PLD5: variants seen among roughly 807,000 people sequenced by gnomAD.
PLD5 encodes the protein phospholipase D family member 5.
A neutral mutation model predicts 61.1 loss-of-function variants in PLD5; 36 were observed. The observed-to-expected ratio is 0.59, with a 90% CI of 0.45 to 0.78. PLD5 has a LOEUF of 0.78. Ranked by LOEUF, PLD5 falls within the 30% of genes least tolerant of loss-of-function variation. PLD5 has a pLI of 0.00. For synonymous variants in PLD5, 243 were observed against 242.8 expected, an observed-to-expected ratio of 1.00 and a Z score of -0.01; for missense variants, 515 against 644.4, an observed-to-expected ratio of 0.80 and a Z score of 2.17.
At chr1:242,332,866 C>T (rs753459780) in intron 2 of PLD5, among the ~76,000 whole-genome samples, 1 of 152,154 alleles carries the variant, frequency 6.6e-6, no homozygotes, top group Non-Finnish European at 1.5e-5. Context: ...GACGTTCACT[C>T]GTAGATACCA....
At chr1:242,348,979 G>A (rs568705060) in intron 1 of PLD5, among the ~76,000 whole-genome samples, 2 of 152,290 alleles carry the variant, frequency 1.3e-5, no homozygotes, top group African/African-American at 2.4e-5. Context: ...GCTTGAACCT[G>A]GGAGGCGGAG....
intron 2 of PLD5, among the ~76,000 whole-genome samples, chr1:242,316,278 C>T (rs1847096): frequency 0.18 from 27,229 of 152,038 alleles, 2,788 homozygotes; most frequent in East Asian, 0.39. Context: ...AATTTTGAGA[C>T]GCCATTTTGT....
At chr1:242,435,404 G>A (rs1665944659) in intron 1 of PLD5, among the ~76,000 whole-genome samples, 1 of 149,516 alleles carries the variant, frequency 6.7e-6, no homozygotes, top group East Asian at 1.9e-4. Context: ...TAGCATCTGT[G>A]TGTTTTTTGT....
chr1:242,134,445 G>A (rs1189658810), intron 5 of PLD5, among the ~76,000 whole-genome samples: 2 of 151,792 alleles, frequency 1.3e-5, no homozygotes, highest in Admixed American at 1.3e-4. Context: ...ATAAATCTCA[G>A]GCTACTTTCC....
At chr1:242,204,309 C>T (rs1390974404) in intron 5 of PLD5, among the ~76,000 whole-genome samples, 1 of 152,116 alleles carries the variant, frequency 6.6e-6, no homozygotes, top group Non-Finnish European at 1.5e-5. Flanking sequence ...TAGTCAATTG[C>T]CTTCCAGGTA....
At chr1:242,374,196 ATATT>A (rs1190234537) in intron 1 of PLD5, among the ~76,000 whole-genome samples, 2 of 152,196 alleles carry the variant, frequency 1.3e-5, no homozygotes, top group Non-Finnish European at 2.9e-5. Flanking sequence ...GTACCACGAC[ATATT>A]TATTATGCCC....
intron 1 of PLD5, among the ~76,000 whole-genome samples, chr1:242,403,337 G>T (rs1179113980): frequency 6.6e-6 from 1 of 152,176 alleles, no homozygotes; most frequent in East Asian, 1.9e-4. Flanking sequence ...TTTCTCCCCA[G>T]AGAACCTTCC....
intron 5 of PLD5, among the ~76,000 whole-genome samples, chr1:242,174,173 A>C (rs1255785666): frequency 4.4e-3 from 591 of 134,470 alleles, no homozygotes; most frequent in South Asian, 8.6e-3. Flanking sequence ...AATATCCAGA[A>C]TCTACAAAGA....
intron 1 of PLD5, among the ~76,000 whole-genome samples, chr1:242,402,320 A>G (rs1438811385): frequency 6.6e-6 from 1 of 152,234 alleles, no homozygotes; most frequent in African/African-American, 2.4e-5. Flanking sequence ...TCTTTACCAC[A>G]TTGACCTTCA....
intron 3 of PLD5, among the ~76,000 whole-genome samples, chr1:242,276,743 A>C (rs1389642568): frequency 6.6e-6 from 1 of 151,884 alleles, no homozygotes; most frequent in African/African-American, 2.4e-5. Flanking sequence ...TTTTTTGGCA[A>C]TGAGCCACAA....
intron 4 of PLD5, among the ~76,000 whole-genome samples, chr1:242,228,786 C>T (rs956382491): frequency 1.3e-5 from 2 of 151,992 alleles, no homozygotes; most frequent in African/African-American, 4.8e-5. Flanking sequence ...ACACTGTCCT[C>T]GTCCTCGCAA....
chr1:242,357,979 C>A (rs1660851798), intron 1 of PLD5, among the ~76,000 whole-genome samples: 1 of 151,740 alleles, frequency 6.6e-6, no homozygotes, highest in Admixed American at 6.6e-5. Context: ...GTACTGTCTT[C>A]GAGTTCATTC....
At chr1:242,316,680 G>A (rs983779379) in intron 2 of PLD5, among the ~76,000 whole-genome samples, 1 of 152,108 alleles carries the variant, frequency 6.6e-6, no homozygotes, top group Non-Finnish European at 1.5e-5. Context: ...CTTGTGTCAT[G>A]GGGATTTATA....
At chr1:242,092,600 G>A (rs761807984) in intron 9 of PLD5, among the ~76,000 whole-genome samples, 11 of 152,136 alleles carry the variant, frequency 7.2e-5, no homozygotes, top group Non-Finnish European at 1.3e-4. Context: ...GCTTTAGGTG[G>A]AGATATTGGC....
intron 6 of PLD5, among the ~76,000 whole-genome samples, chr1:242,118,983 T>C (rs2636254): frequency 0.86 from 130,728 of 152,186 alleles, 56,474 homozygotes; most frequent in African/African-American, 0.95. Context: ...TCTCATCACT[T>C]CTGAATTAAT....
chr1:242,397,888 A>T (rs542248019), intron 1 of PLD5, among the ~76,000 whole-genome samples: 2 of 152,156 alleles, frequency 1.3e-5, no homozygotes, highest in African/African-American at 4.8e-5. Context: ...ATTGGAAAGT[A>T]TAAGCCAGTG....
chr1:242,256,024 C>T lies in PLD5; in HGVS notation c.607+9313G>A, dbSNP rs115487438. Among the ~76,000 whole-genome samples the T allele has an allele frequency of 4.4e-3, 677 of 152,280 alleles. 6 individuals are homozygous for T. The highest frequency in any genetic ancestry group is 0.015 in the African/African-American group (639 of 41,550). On this transcript the variant is annotated intron_variant, in intron 4 of 9. Transcript: ENST00000536534. This position sits in a 1 kb window ranked among gnomAD's most constrained non-coding sequence, Gnocchi z 5.7. Reference sequence around the variant, plus strand: ...GATGCCCAGCCAGGGCTTATTAGGTCCCTGTGGCTATTGGTTATTCACTAA... The same window carrying T: ...GATGCCCAGCCAGGGCTTATTAGGTTCCTGTGGCTATTGGTTATTCACTAA...
intron 2 of PLD5, among the ~76,000 whole-genome samples, chr1:242,292,888 A>G (rs1326718551): frequency 6.6e-6 from 1 of 151,288 alleles, no homozygotes; most frequent in Admixed American, 6.7e-5. Flanking sequence ...TGCTCACTTT[A>G]ACACTTTCAG....
chr1:242,288,477 G>T lies in PLD5; in HGVS notation c.380C>A (p.Pro127Gln). The T allele has an allele frequency of 3.1e-6, 5 of 1,611,036 alleles. No individual in the cohort carries two copies. The highest frequency in any genetic ancestry group is 4.2e-6 in the Non-Finnish European group (5 of 1,179,096). Residue 127 changes from proline to glutamine, a missense_variant, in exon 3 of 10, where the codon CCA (proline) becomes CAA (glutamine). This residue lies in a region of PLD5 where 450 missense variants were observed against 598.1 expected (regional missense o/e 0.75). Transcript: ENST00000536534. ...PEGLNYSENAPFHLSLFQGWM... is the reference protein window; with the variant it reads ...PEGLNYSENAQFHLSLFQGWM... ...GCCTTGGAAAAGTGATAAGTGAAAT[G>T]GTGCATTTTCTGAATAGTTAAGGCC...
Sources: gnomAD v4.1 joint callset for allele counts (sites outside exome capture counted in the v4.1 genomes callset) on GRCh38, gnomAD v4.1.1 for gene constraint, gnomAD v4.1.1 regional missense constraint, Gnocchi (gnomAD v3.1) non-coding constraint, MANE v1.5 for transcripts, NCBI Gene and HGNC (gene_info 2026-07-23, HGNC 2026-07-21) for gene names.